GRIA1: variants seen among roughly 807,000 people sequenced by gnomAD.
GRIA1 encodes glutamate receptor 1.
GRIA1 carries 31 observed loss-of-function variants against 99.2 expected under a neutral mutation model. The ratio of observed to expected loss-of-function variants is 0.31; its 90% CI spans 0.23 to 0.42. The LOEUF (loss-of-function observed/expected upper bound fraction) is 0.42. Ranked by LOEUF, GRIA1 falls within the 10% of genes least tolerant of loss-of-function variation. The pLI is 1.00. For synonymous variants in GRIA1, 438 were observed against 432.4 expected (o/e 1.01, Z -0.16); for missense variants, 782 against 1,157.5 (o/e 0.68, Z 4.71).
intron 11 of GRIA1, among the ~76,000 whole-genome samples, chr5:153,717,479 C>A (rs1319300313): frequency 6.6e-6 from 1 of 151,988 alleles, no homozygotes; most frequent in African/African-American, 2.4e-5. Context: ...CATAGCTCAG[C>A]AAGGTGGGTT....
intron 2 of GRIA1, among the ~76,000 whole-genome samples, chr5:153,555,165 T>C (rs892181578): frequency 2.0e-5 from 3 of 151,750 alleles, no homozygotes; most frequent in Non-Finnish European, 4.4e-5. Context: ...TTTTATAGAC[T>C]TTAGATTTTG....
chr5:153,723,936 G>T (rs1312700923), intron 11 of GRIA1, among the ~76,000 whole-genome samples: 1 of 152,216 alleles, frequency 6.6e-6, no homozygotes, highest in Non-Finnish European at 1.5e-5. Context: ...CGGGCAGACT[G>T]CCTCCTCAAG....
chr5:153,538,125 G>A (rs1758751308), intron 2 of GRIA1, among the ~76,000 whole-genome samples: 1 of 152,152 alleles, frequency 6.6e-6, no homozygotes, highest in African/African-American at 2.4e-5. Context: ...TGATGGCATA[G>A]ACTCAACAAC....
At chr5:153,498,168 C>A (rs1754625295) in intron 2 of GRIA1, among the ~76,000 whole-genome samples, 1 of 152,152 alleles carries the variant, frequency 6.6e-6, no homozygotes, top group African/African-American at 2.4e-5. Flanking sequence ...AACACTAGGG[C>A]CCAGGTCTAT....
intron 2 of GRIA1, among the ~76,000 whole-genome samples, chr5:153,640,400 TA>T (rs1437256677): frequency 4.6e-5 from 7 of 152,248 alleles, no homozygotes; most frequent in African/African-American, 1.7e-4. Flanking sequence ...CACAATGACC[TA>T]ACTTCTCCAG....
chr5:153,533,046 C>T lies in GRIA1; in HGVS notation c.220+38981C>T, dbSNP rs188540933. 4.6e-5 allele frequency among the ~76,000 whole-genome samples: 7 copies of T among 152,272 alleles called. No homozygotes were observed. In the East Asian group the frequency reaches 1.3e-3, roughly 29 times the overall value. On this transcript the variant is annotated intron_variant, in intron 2 of 15. Transcript: ENST00000285900. ...CACACTGACTTTTTGTGAATCTAGA[C>T]TTGCTAGCTCTGGTGTGCATCCAAT...
intron 2 of GRIA1, among the ~76,000 whole-genome samples, chr5:153,529,226 C>T (rs886645136): frequency 1.3e-5 from 2 of 152,140 alleles, no homozygotes; most frequent in East Asian, 1.9e-4. Context: ...CAGGGCTGTC[C>T]CTTGAGGAAT....
intron 12 of GRIA1, among the ~76,000 whole-genome samples, chr5:153,767,102 A>G (rs1000618641): frequency 6.6e-5 from 10 of 152,210 alleles, no homozygotes; most frequent in Non-Finnish European, 1.5e-4. Context: ...GGAAACTGGT[A>G]CCAAGAAAGC....
At chr5:153,651,973 C>G (rs1754607889) in intron 4 of GRIA1, among the ~76,000 whole-genome samples, 1 of 152,148 alleles carries the variant, frequency 6.6e-6, no homozygotes, top group African/African-American at 2.4e-5. Context: ...AGTTCTTGAT[C>G]TGTAAAATGG....
chr5:153,721,566 GAGT>G (rs1217177783), intron 11 of GRIA1, among the ~76,000 whole-genome samples: 1 of 152,162 alleles, frequency 6.6e-6, no homozygotes, highest in Non-Finnish European at 1.5e-5. Flanking sequence ...CTGATGCATA[GAGT>G]AGTTTTATGA....
chr5:153,737,811 G>A (rs181856808), intron 11 of GRIA1, among the ~76,000 whole-genome samples: 90 of 152,222 alleles, frequency 5.9e-4, no homozygotes, highest in African/African-American at 2.1e-3. Context: ...AATGAAGTAG[G>A]TACCTTGTCC....
At chr5:153,650,743 C>G (rs546063708) in intron 4 of GRIA1, among the ~76,000 whole-genome samples, 84 of 141,210 alleles carry the variant, frequency 5.9e-4, no homozygotes, top group African/African-American at 2.1e-3. Context: ...CCTGTTAACT[C>G]CAATGTATCC....
intron 2 of GRIA1, among the ~76,000 whole-genome samples, chr5:153,495,600 A>G (rs1026879970): frequency 2.0e-5 from 3 of 152,236 alleles, no homozygotes; most frequent in African/African-American, 2.4e-5. Flanking sequence ...AACTGTAGCT[A>G]TGATTTGCAC....
Position 153,648,977 on chromosome 5 carries a change from A to C in GRIA1, c.461-1353A>C, listed in dbSNP as rs1400747768. Among the ~76,000 whole-genome samples, 4 of 152,278 alleles carry C rather than the reference A, an allele frequency of 2.6e-5. No homozygotes were observed. In the East Asian group the frequency reaches 7.7e-4, roughly 29 times the overall value. On this transcript the variant is annotated intron_variant, in intron 3 of 15. Transcript: ENST00000285900. Reference sequence around the variant, plus strand: ...TTTAATAGGGTAATTATCCTGGATTATGTTGGGGGGACACAATGTAATCAC... The same window carrying C: ...TTTAATAGGGTAATTATCCTGGATTCTGTTGGGGGGACACAATGTAATCAC...
intron 8 of GRIA1, among the ~76,000 whole-genome samples, chr5:153,696,952 C>T (rs890908278): frequency 1.3e-5 from 2 of 152,132 alleles, no homozygotes; most frequent in South Asian, 2.1e-4. Flanking sequence ...GTAGTCTACA[C>T]TGCTTAGCCT....
In GRIA1 at chr5:153,778,673, AC is replaced by A. The variant is rs1321805936; in HGVS notation, c.2270+8259del. Among the ~76,000 whole-genome samples the A allele has an allele frequency of 4.6e-5, 7 of 151,942 alleles. No individual in the cohort carries two copies. The East Asian group carries it at 1.4e-3, about 29-fold the overall frequency. On this transcript the variant is annotated intron_variant, in intron 13 of 15. Transcript: ENST00000285900. Reference sequence around the variant, plus strand: ...CCACCACACACACACACACACACACACACACACACACACATACACGCACACA... The same window carrying A: ...CCACCACACACACACACACACACACAACACACACACACATACACGCACACA...
At chr5:153,738,052 C>T (rs894545803) in intron 11 of GRIA1, among the ~76,000 whole-genome samples, 5 of 152,184 alleles carry the variant, frequency 3.3e-5, no homozygotes, top group Non-Finnish European at 7.3e-5. Context: ...AGGAGCAGGC[C>T]AGACCCAGCT....
At chr5:153,585,295 CTCTCT>C (rs1472319766) in intron 2 of GRIA1, among the ~76,000 whole-genome samples, 16 of 136,438 alleles carry the variant, frequency 1.2e-4, no homozygotes, top group African/African-American at 4.3e-4. Flanking sequence ...TTCTTTCTCT[CTCTCT>C]TTTTTTTTTT....
At chr5:153,714,581 T>G (rs1184239729) in intron 11 of GRIA1, among the ~76,000 whole-genome samples, 1 of 152,220 alleles carries the variant, frequency 6.6e-6, no homozygotes, top group African/African-American at 2.4e-5. Context: ...TTGTTTTTCT[T>G]TTAAACCCTC....
Sources: gnomAD v4.1 joint callset for allele counts (sites outside exome capture counted in the v4.1 genomes callset) on GRCh38, gnomAD v4.1.1 for gene constraint, MANE v1.5 for transcripts, NCBI Gene and HGNC (gene_info 2026-07-23, HGNC 2026-07-21) for gene names.